The following GLIS1 variants were observed in gnomAD, a reference collection of about 807,000 sequenced individuals.
GLIS1 encodes GLIS family zinc finger 1.
Under a neutral mutation model 63.8 loss-of-function variants are expected in GLIS1, and 24 were observed. That is an observed-to-expected ratio of 0.38 (90% confidence interval 0.27 to 0.53). The LOEUF is 0.53. Among genes scored for constraint, GLIS1 ranks in the 20% least tolerant of loss-of-function variants. The probability of loss-of-function intolerance (pLI) is 0.85; values close to 1 mark genes in which losing one functional copy is unlikely to be tolerated. For missense variants in GLIS1, 1,036 were observed against 1,074.1 expected (o/e 0.96, Z 0.50); for synonymous variants, 450 against 482.5 (o/e 0.93, Z 0.88).
chr1:53,632,982 TGTGTGAATGAGTGTGACTGAGGG>T (rs1449110594), intron 2 of GLIS1, among the ~76,000 whole-genome samples: 6 of 79,780 alleles, frequency 7.5e-5, no homozygotes, highest in Non-Finnish European at 1.2e-4. Flanking sequence ...GACCGAGGGG[TGTGTGAATGAGTGTGACTGAGGG>T]GTGTGAATGA....
intron 2 of GLIS1, among the ~76,000 whole-genome samples, chr1:53,677,729 C>T (rs976012627): frequency 5.9e-5 from 9 of 152,250 alleles, no homozygotes; most frequent in African/African-American, 1.7e-4. Context: ...CTTGCTGTCA[C>T]GCCATCTCTG....
At chr1:53,690,201 C>T (rs1646386950) in intron 2 of GLIS1, among the ~76,000 whole-genome samples, 1 of 152,264 alleles carries the variant, frequency 6.6e-6, no homozygotes, top group Admixed American at 6.5e-5. Flanking sequence ...GTGATGGCAT[C>T]AGGCCAGGGA....
intron 2 of GLIS1, 141 bp downstream of exon 2, chr1:53,737,665 C>T: frequency 1.2e-6 from 1 of 816,920 alleles, no homozygotes. Context: ...TTCACACTGA[C>T]AAGCTAGTCC....
chr1:53,635,254 C>T (rs1645711796), intron 2 of GLIS1, among the ~76,000 whole-genome samples: 1 of 151,900 alleles, frequency 6.6e-6, no homozygotes, highest in Non-Finnish European at 1.5e-5. Context: ...ATAGAGCAAG[C>T]CTCGATAGTT....
intron 4 of GLIS1, among the ~76,000 whole-genome samples, chr1:53,569,647 G>C (rs1385285957): frequency 6.6e-6 from 1 of 151,856 alleles, no homozygotes; most frequent in African/African-American, 2.4e-5. Context: ...AATTGAAAAG[G>C]AATAAAATGT....
At chr1:53,718,481 A>C (rs1368145574) in intron 2 of GLIS1, among the ~76,000 whole-genome samples, 1 of 152,212 alleles carries the variant, frequency 6.6e-6, no homozygotes, top group Non-Finnish European at 1.5e-5. Context: ...CAAATGAAAA[A>C]AGAGGTCATA....
At chr1:53,555,525 G>A (rs1007744488) in intron 4 of GLIS1, among the ~76,000 whole-genome samples, 2 of 152,222 alleles carry the variant, frequency 1.3e-5, no homozygotes, top group African/African-American at 2.4e-5. Context: ...GTGAGACTCT[G>A]TCTCAAAAAA....
At chr1:53,516,005 A>AT (rs1644349003) in intron 7 of GLIS1, among the ~76,000 whole-genome samples, 1 of 151,720 alleles carries the variant, frequency 6.6e-6, no homozygotes, top group South Asian at 2.1e-4. Context: ...AATTGACATC[A>AT]TTTTTTCTGA....
intron 5 of GLIS1, among the ~76,000 whole-genome samples, chr1:53,529,529 C>T (rs1000724102): frequency 1.2e-4 from 18 of 152,192 alleles, no homozygotes; most frequent in African/African-American, 3.9e-4. Context: ...TCCCCTCACC[C>T]CCGGGGACAT....
chr1:53,616,822 G>A (rs1388019562), intron 2 of GLIS1, among the ~76,000 whole-genome samples: 8 of 152,222 alleles, frequency 5.3e-5, no homozygotes, highest in African/African-American at 1.9e-4. Flanking sequence ...TCCGAGGCTC[G>A]GGATTTCTGG....
At chr1:53,512,874 C>A (rs1381513002) in intron 8 of GLIS1, among the ~76,000 whole-genome samples, 1 of 151,584 alleles carries the variant, frequency 6.6e-6, no homozygotes. Context: ...GGTGGGTGAG[C>A]AGGTGGCCTG....
At chr1:53,629,780 C>T (rs1469897706) in intron 2 of GLIS1, among the ~76,000 whole-genome samples, 1 of 152,170 alleles carries the variant, frequency 6.6e-6, no homozygotes, top group African/African-American at 2.4e-5. Flanking sequence ...TATATTTGCT[C>T]ATTATCTGTC....
intron 4 of GLIS1, among the ~76,000 whole-genome samples, chr1:53,589,249 G>A (rs1326294979): frequency 6.6e-6 from 1 of 152,208 alleles, no homozygotes; most frequent in Admixed American, 6.5e-5. Flanking sequence ...GGGGCTACAG[G>A]CATGTACCAC....
intron 4 of GLIS1, among the ~76,000 whole-genome samples, chr1:53,552,291 G>A (rs1038798477): frequency 7.2e-5 from 11 of 152,010 alleles, no homozygotes; most frequent in Non-Finnish European, 1.3e-4. Flanking sequence ...GGGACCAGGC[G>A]GGTCCCTGAG....
At chr1:53,669,337 C>T (rs1646127400) in intron 2 of GLIS1, among the ~76,000 whole-genome samples, 1 of 152,238 alleles carries the variant, frequency 6.6e-6, no homozygotes, top group African/African-American at 2.4e-5. Context: ...GTTGCCCACC[C>T]TGTGGGCCCA....
Position 53,631,499 on chromosome 1 carries a change from T to C in GLIS1, c.260-31221A>G, listed in dbSNP as rs558936027. ...ACATTATTCAGTCATCACATTTTTG[T>C]TGTGTACCTGCTATGTGCCAGAGAC... On this transcript the variant is annotated intron_variant, in intron 2 of 10. Coordinates refer to ENST00000628545, the MANE Select transcript of GLIS1 (RefSeq NM_001367484.1). 3.3e-5 allele frequency among the ~76,000 whole-genome samples: 5 copies of C among 152,366 alleles called. No homozygotes were observed. The South Asian group carries it at 1.0e-3, about 32-fold the overall frequency.
chr1:53,576,840 G>C (rs1331199900), intron 4 of GLIS1, among the ~76,000 whole-genome samples: 1 of 152,118 alleles, frequency 6.6e-6, no homozygotes, highest in Non-Finnish European at 1.5e-5. Flanking sequence ...CTGCTGTGCA[G>C]TCAGTTTTCC....
chr1:53,697,476 G>A (rs1298441388), intron 2 of GLIS1, among the ~76,000 whole-genome samples: 1 of 152,164 alleles, frequency 6.6e-6, no homozygotes, highest in African/African-American at 2.4e-5. Context: ...TCCTCTGGGG[G>A]CCACTGTCTG....
intron 10 of GLIS1, among the ~76,000 whole-genome samples, chr1:53,507,565 GGCGA>G (rs753336857): frequency 2.0e-4 from 30 of 152,228 alleles, no homozygotes; most frequent in Non-Finnish European, 4.0e-4. Context: ...GCCTAAGACA[GGCGA>G]GCCTCAGTCT....
Sources: gnomAD v4.1 joint callset for allele counts (sites outside exome capture counted in the v4.1 genomes callset) on GRCh38, gnomAD v4.1.1 for gene constraint, MANE v1.5 for transcripts, NCBI Gene and HGNC (gene_info 2026-07-23, HGNC 2026-07-21) for gene names.